The following UNC79 variants were observed in gnomAD, a reference collection of about 807,000 sequenced individuals.
UNC79 encodes unc-79 subunit of NALCN channel complex.
UNC79 carries 37 observed loss-of-function variants against 283.1 expected under a neutral mutation model. The observed-to-expected ratio is 0.13, with a 90% CI of 0.10 to 0.17. The LOEUF (loss-of-function observed/expected upper bound fraction) is 0.17, where lower values mean the gene tolerates loss of function less well. Ranked by LOEUF, UNC79 falls within the 10% of genes least tolerant of loss-of-function variation. The pLI, the probability that UNC79 is intolerant of heterozygous loss-of-function variation, is 1.00. For synonymous variants in UNC79, 1,107 were observed against 1,200.2 expected (o/e 0.92, Z 1.61); for missense variants, 2,272 against 3,211.1 (o/e 0.71, Z 7.07).
At chr14:93,363,790 C>T (rs1354213065) in intron 1 of UNC79, among the ~76,000 whole-genome samples, 1 of 151,944 alleles carries the variant, frequency 6.6e-6, no homozygotes, top group African/African-American at 2.4e-5. Flanking sequence ...GCAATCTGGG[C>T]TCACTGCAAG....
intron 1 of UNC79, among the ~76,000 whole-genome samples, chr14:93,448,084 C>A (rs906181655): frequency 1.3e-5 from 2 of 151,538 alleles, no homozygotes; most frequent in East Asian, 1.9e-4. Context: ...CAGCCCCGTT[C>A]TTTTTGTCCT....
At position 93,474,856 on chromosome 14, in the gene UNC79, A is replaced by G. The variant is rs537886526; in HGVS notation, c.448+463A>G. On this transcript the variant is annotated intron_variant, in intron 3 of 48. Coordinates refer to ENST00000555664, the Ensembl canonical transcript of UNC79. This position sits in a 1 kb window ranked among gnomAD's most constrained non-coding sequence, Gnocchi z 4.1. ...TTCCTGTCTCTTTAATAAAGTCAGG[A>G]GGTTAGATGAGAAGTAATCTCTAAC... 3.3e-5 allele frequency among the ~76,000 whole-genome samples: 5 copies of G among 152,338 alleles called. No homozygotes were observed. In the South Asian group the frequency reaches 1.0e-3, roughly 32 times the overall value.
At chr14:93,359,038 G>C (rs1397182757) in intron 1 of UNC79, among the ~76,000 whole-genome samples, 3 of 152,188 alleles carry the variant, frequency 2.0e-5, no homozygotes, top group African/African-American at 4.8e-5. Context: ...TTAAGGGTGT[G>C]GGATAATGGT....
chr14:93,547,963 G>T (rs771936068), intron 14 of UNC79, among the ~76,000 whole-genome samples: 11 of 152,116 alleles, frequency 7.2e-5, no homozygotes, highest in African/African-American at 1.7e-4. Context: ...CTCCAGCCTG[G>T]GTGACAGAGT....
At chr14:93,644,765 A>G (rs138248982) in intron 34 of UNC79, among the ~76,000 whole-genome samples, 1 of 152,214 alleles carries the variant, frequency 6.6e-6, no homozygotes, top group Non-Finnish European at 1.5e-5. Flanking sequence ...CAAGTTGAAG[A>G]CAAATAGGAA....
intron 1 of UNC79, among the ~76,000 whole-genome samples, chr14:93,354,717 G>C (rs1278766552): frequency 6.6e-6 from 1 of 152,110 alleles, no homozygotes; most frequent in African/African-American, 2.4e-5. Flanking sequence ...GCCCAGACTG[G>C]TCTTGATCTC....
chr14:93,380,532 T>G (rs1164812974), intron 1 of UNC79, among the ~76,000 whole-genome samples: 2 of 152,182 alleles, frequency 1.3e-5, no homozygotes, highest in Non-Finnish European at 2.9e-5. Context: ...CTTCTTTTAT[T>G]TTCTATGAGT....
intron 1 of UNC79, among the ~76,000 whole-genome samples, chr14:93,373,628 A>G (rs573487228): frequency 6.6e-6 from 1 of 152,312 alleles, no homozygotes; most frequent in African/African-American, 2.4e-5. Flanking sequence ...CCTGCAAAAT[A>G]GAAAACACCA....
intron 3 of UNC79, among the ~76,000 whole-genome samples, 171 bp from the exon 4 acceptor site, chr14:93,477,387 A>C (rs2057863330): frequency 6.6e-6 from 1 of 152,224 alleles, no homozygotes; most frequent in Non-Finnish European, 1.5e-5. Context: ...TTATTGACCA[A>C]TTACTGTATA....
At chr14:93,417,274 C>A (rs939155384) in intron 1 of UNC79, among the ~76,000 whole-genome samples, 1 of 151,798 alleles carries the variant, frequency 6.6e-6, no homozygotes, top group Non-Finnish European at 1.5e-5. Flanking sequence ...TTCTCCTTCA[C>A]TTATGAAGCT....
At chr14:93,666,793 T>C (rs2072250360) in intron 40 of UNC79, among the ~76,000 whole-genome samples, 4 of 152,110 alleles carry the variant, frequency 2.6e-5, no homozygotes, top group Admixed American at 2.0e-4. Context: ...TTAGAACAGA[T>C]TTAAAAATGT....
chr14:93,451,372 G>GA (rs1050532615), intron 1 of UNC79, among the ~76,000 whole-genome samples: 3 of 151,188 alleles, frequency 2.0e-5, no homozygotes, highest in Admixed American at 1.3e-4. Context: ...GAAGGAAGGA[G>GA]AAAAAAAAAG....
chr14:93,347,150 GC>G (rs897693393), intron 1 of UNC79: 1 of 1,217,234 alleles, frequency 8.2e-7, no homozygotes, highest in South Asian at 1.6e-5. Flanking sequence ...AGGGCAGAGC[GC>G]CCCCTCGTGG....
rs1265185618 is a variant in UNC79 at position 93,653,913 on chromosome 14, C to T, written c.6197-27C>T. 1.9e-6 allele frequency: 3 copies of T among 1,614,134 alleles called. No individual in the cohort carries two copies. In the South Asian group the frequency reaches 3.3e-5, roughly 18 times the overall value. ...ATTTGCCTCATCCCAGACACCCAAA[C>T]ACTAAATCCGATCGTTGACTTTCCA... On this transcript the variant is annotated intron_variant, in intron 36 of 48. Transcript: ENST00000555664.
chr14:93,579,462 G>A (rs1248141527), intron 18 of UNC79, among the ~76,000 whole-genome samples: 1 of 152,092 alleles, frequency 6.6e-6, no homozygotes, highest in African/African-American at 2.4e-5. Context: ...GTATTCTACT[G>A]ATGGAATACT....
At chr14:93,673,322 C>T (rs151216435) in intron 40 of UNC79, 29 bp from the exon 44 acceptor site, 2 of 1,593,308 alleles carry the variant, frequency 1.3e-6, no homozygotes, top group Non-Finnish European at 1.7e-6. Flanking sequence ...TCTAAAATCA[C>T]TTACCTCCTT....
chr14:93,616,803 A>G (rs1400837342), intron 27 of UNC79, among the ~76,000 whole-genome samples: 2 of 152,210 alleles, frequency 1.3e-5, no homozygotes, highest in Non-Finnish European at 2.9e-5. Context: ...GCAGGTGGTT[A>G]CCAATACTAG....
intron 35 of UNC79, among the ~76,000 whole-genome samples, chr14:93,647,847 A>G (rs1485191484): frequency 1.3e-5 from 2 of 152,236 alleles, no homozygotes; most frequent in African/African-American, 2.4e-5. Context: ...AGGCCTCACA[A>G]TCATGGTGGA....
At chr14:93,539,276 A>G (rs2061253511) in intron 12 of UNC79, among the ~76,000 whole-genome samples, 2 of 148,862 alleles carry the variant, frequency 1.3e-5, no homozygotes, top group South Asian at 4.4e-4. Flanking sequence ...TAATCCCAGC[A>G]CTTTGAGAGA....
Sources: allele counts gnomAD v4.1 joint callset (sites outside exome capture counted in the v4.1 genomes callset), GRCh38; gene constraint gnomAD v4.1.1; non-coding constraint Gnocchi (gnomAD v3.1); transcripts MANE v1.5; gene names NCBI Gene and HGNC (gene_info 2026-07-23, HGNC 2026-07-21).